Variants in ROBO2 observed in about 807,000 individuals in gnomAD.
The protein encoded by ROBO2 is roundabout guidance receptor 2, also known as roundabout homolog 2.
In ROBO2, 53 loss-of-function variants were observed where a neutral mutation model predicts 160.8. That is an observed-to-expected ratio of 0.33 (90% CI 0.26 to 0.41). ROBO2 has a LOEUF of 0.41. ROBO2 is among the 10% of genes least tolerant of loss of function. ROBO2 has a pLI of 1.00. For missense variants in ROBO2, 1,577 were observed against 1,722.4 expected (o/e 0.92, Z 1.49); for synonymous variants, 664 against 611.7 (o/e 1.09, Z -1.26).
At chr3:76,377,432 C>A (rs889910314) in intron 2 of ROBO2, among the ~76,000 whole-genome samples, 2 of 152,032 alleles carry the variant, frequency 1.3e-5, no homozygotes, top group Admixed American at 1.3e-4. Flanking sequence ...GTGCAAGAGT[C>A]CTGCACACAG....
chr3:76,497,917 T>A (rs1221413944), intron 2 of ROBO2, among the ~76,000 whole-genome samples: 1 of 152,200 alleles, frequency 6.6e-6, no homozygotes, highest in Non-Finnish European at 1.5e-5. Flanking sequence ...CTTGCAGACC[T>A]TGCACTTTCC....
chr3:77,120,500 T>G (rs2074643693), intron 2 of ROBO2, among the ~76,000 whole-genome samples: 1 of 152,188 alleles, frequency 6.6e-6, no homozygotes, highest in Non-Finnish European at 1.5e-5. Flanking sequence ...TAGTAAAATT[T>G]TAAATGTGGA....
exon 2 of ROBO2, chr3:77,098,123 G>A: frequency 1.2e-6 from 2 of 1,614,180 alleles, no homozygotes; most frequent in East Asian, 4.5e-5. Context: ...CGGAGGGCCG[G>A]CCAACGCCCA....
intron 2 of ROBO2, chr3:77,317,126 T>G: frequency 8.2e-7 from 1 of 1,216,146 alleles, no homozygotes; most frequent in Non-Finnish European, 1.2e-6. Flanking sequence ...CAGGAAGGAC[T>G]TTGCAGTCTC....
At chr3:76,479,612 T>C (rs2079106697) in intron 2 of ROBO2, among the ~76,000 whole-genome samples, 1 of 151,958 alleles carries the variant, frequency 6.6e-6, no homozygotes, top group South Asian at 2.1e-4. Context: ...ATTTATAGAG[T>C]AGTGTGCAGT....
At chr3:76,335,111 C>G (rs1456028720) in intron 2 of ROBO2, among the ~76,000 whole-genome samples, 2 of 150,920 alleles carry the variant, frequency 1.3e-5, no homozygotes, top group Non-Finnish European at 2.9e-5. Flanking sequence ...CTCAAGTACT[C>G]TCAACTCTAC....
chr3:77,493,837 G>T (rs2086442983), intron 5 of ROBO2, among the ~76,000 whole-genome samples: 1 of 152,120 alleles, frequency 6.6e-6, no homozygotes, highest in African/African-American at 2.4e-5. Context: ...GTAAAGGAAA[G>T]GTCAGCATAA....
chr3:76,777,195 C>A (rs1224959758), intron 2 of ROBO2, among the ~76,000 whole-genome samples: 1 of 151,052 alleles, frequency 6.6e-6, no homozygotes, highest in Non-Finnish European at 1.5e-5. Context: ...TAACTGCTAG[C>A]CTGCCATTTT....
At chr3:76,767,048 GATAAAT>G (rs977660027) in intron 2 of ROBO2, among the ~76,000 whole-genome samples, 32 of 151,420 alleles carry the variant, frequency 2.1e-4, no homozygotes, top group African/African-American at 7.7e-4. Flanking sequence ...ACCTAAAAAT[GATAAAT>G]ATAGGAAAAT....
chr3:77,122,491 T>C (rs1382535556), intron 2 of ROBO2, among the ~76,000 whole-genome samples: 1 of 152,206 alleles, frequency 6.6e-6, no homozygotes, highest in African/African-American at 2.4e-5. Flanking sequence ...TGCTTTTGTG[T>C]GGATTAAAAT....
At chr3:76,000,184 A>G (rs546736901) in intron 2 of ROBO2, among the ~76,000 whole-genome samples, 1 of 152,276 alleles carries the variant, frequency 6.6e-6, no homozygotes, top group South Asian at 2.1e-4. Flanking sequence ...CATAATCTAT[A>G]TATTTTGCAT....
chr3:76,704,074 G>A (rs2093105802), intron 2 of ROBO2, among the ~76,000 whole-genome samples: 1 of 151,162 alleles, frequency 6.6e-6, no homozygotes, highest in South Asian at 2.1e-4. Flanking sequence ...TTCTGAGTTT[G>A]GATCAACTTC....
chr3:76,641,065 G>A (rs921753421), intron 2 of ROBO2, among the ~76,000 whole-genome samples: 3 of 152,092 alleles, frequency 2.0e-5, no homozygotes, highest in Admixed American at 6.6e-5. Context: ...AAGAACTGAC[G>A]AAAATTCAAA....
At chr3:77,499,160 T>C (rs1390478911) in intron 5 of ROBO2, among the ~76,000 whole-genome samples, 2 of 152,240 alleles carry the variant, frequency 1.3e-5, no homozygotes, top group Non-Finnish European at 2.9e-5. Context: ...TTTTAGACTT[T>C]AGGCCTTGTT....
intron 2 of ROBO2, among the ~76,000 whole-genome samples, chr3:76,665,000 G>C (rs749512909): frequency 1.2e-4 from 18 of 152,094 alleles, no homozygotes; most frequent in Non-Finnish European, 5.9e-5. Flanking sequence ...AAGAGGCAAC[G>C]TGTGAGATTT....
At chr3:77,458,078 C>T (rs61687522) in intron 2 of ROBO2, among the ~76,000 whole-genome samples, 32,706 of 151,992 alleles carry the variant, frequency 0.22, 4,070 homozygotes, top group East Asian at 0.35. Flanking sequence ...CTCATCGCCG[C>T]CTTAGATAAG....
At chr3:77,070,293 T>G (rs759303574) in intron 1 of ROBO2, among the ~76,000 whole-genome samples, 2 of 152,168 alleles carry the variant, frequency 1.3e-5, no homozygotes, top group Non-Finnish European at 2.9e-5. Context: ...ACAACAACCC[T>G]AGGAAACTAA....
chr3:75,908,568 A>G (rs370222531), intron 1 of ROBO2, among the ~76,000 whole-genome samples: 14 of 152,170 alleles, frequency 9.2e-5, no homozygotes, highest in East Asian at 5.8e-4. Context: ...GTTATAAACC[A>G]TAAGAATTCA....
At chr3:77,409,288 T>C (rs1226806967) in intron 2 of ROBO2, among the ~76,000 whole-genome samples, 4 of 152,008 alleles carry the variant, frequency 2.6e-5, no homozygotes, top group South Asian at 2.1e-4. Flanking sequence ...TTTTATTTAG[T>C]AGGCGATTTC....
Sources: gnomAD v4.1 joint callset for allele counts (sites outside exome capture counted in the v4.1 genomes callset) on GRCh38, gnomAD v4.1.1 for gene constraint, MANE v1.5 for transcripts, NCBI Gene and HGNC (gene_info 2026-07-23, HGNC 2026-07-21) for gene names.